The following KCNQ3 variants were observed in gnomAD, a reference collection of about 807,000 sequenced individuals.
The protein encoded by KCNQ3 is potassium voltage-gated channel subfamily KQT member 3.
In KCNQ3, 30 loss-of-function variants were observed where a neutral mutation model predicts 92.5. The observed-to-expected ratio is 0.32, with a 90% CI of 0.24 to 0.44. The LOEUF is 0.44. Ranked by LOEUF, KCNQ3 falls within the 20% of genes least tolerant of loss-of-function variation. The pLI, the probability that KCNQ3 is intolerant of heterozygous loss-of-function variation, is 1.00. For missense variants in KCNQ3, 913 were observed against 1,140.3 expected (o/e 0.80, Z 2.87); for synonymous variants, 450 against 468.8 (o/e 0.96, Z 0.52).
chr8:132,144,667 G>C (rs1191857869), intron 9 of KCNQ3, among the ~76,000 whole-genome samples: 2 of 152,150 alleles, frequency 1.3e-5, no homozygotes. Flanking sequence ...CCTCCTTCAG[G>C]TATCAGCATG....
At chr8:132,451,947 CT>C (rs919994238) in intron 1 of KCNQ3, among the ~76,000 whole-genome samples, 16 of 151,778 alleles carry the variant, frequency 1.1e-4, no homozygotes, top group Non-Finnish European at 2.1e-4. Flanking sequence ...AAATGAAGTT[CT>C]TTTTTTTGCA....
At position 132,129,807 on chromosome 8, in the gene KCNQ3, G is replaced by C. The variant is rs1131691408; in HGVS notation, c.2074C>G (p.Pro692Ala). The C allele has an allele frequency of 6.2e-7, 1 of 1,614,142 alleles. No individual in the cohort carries two copies. Among genetic ancestry groups the C allele is most frequent in the Non-Finnish European group, 8.5e-7 (1 of 1,180,016 alleles). ...TGGAAGCTGTAGGGTGGTTCCGGGG[G>C]GCCTGTCTCAGAATAGTTGCAGATG... ...TIICNYSETG[P>A]PEPPYSFHQV... The change falls in exon 15 of 15, where the codon CCC (proline) becomes GCC (alanine). Residue 692 changes from proline (P) to alanine (A), a missense_variant. Pro to Ala is a conservative substitution (Grantham distance 27). Transcript: ENST00000388996. This position sits in a 1 kb window ranked among gnomAD's most constrained non-coding sequence, Gnocchi z 5.9.
rs1822251361 is a variant in KCNQ3, at chr8:132,469,533, C to T, written c.386+10614G>A. Among the ~76,000 whole-genome samples, 3 of 152,168 alleles carry T rather than the reference C, an allele frequency of 2.0e-5. 1 individual carries two copies. The South Asian group carries it at 6.2e-4, about 32-fold the overall frequency. On this transcript the variant is annotated intron_variant, in intron 1 of 14. Coordinates refer to ENST00000388996, the MANE Select transcript of KCNQ3 (RefSeq NM_004519.4). Reference sequence around the variant, plus strand: ...CAAACCCAGAGCTATCTTGGGCTACCCAAAACCAGAATGACAGGGCATGGC... The same window carrying T: ...CAAACCCAGAGCTATCTTGGGCTACTCAAAACCAGAATGACAGGGCATGGC...
At chr8:132,323,044 C>T (rs1290978026) in intron 1 of KCNQ3, among the ~76,000 whole-genome samples, 4 of 152,172 alleles carry the variant, frequency 2.6e-5, no homozygotes, top group Non-Finnish European at 4.4e-5. Context: ...TCCAGCTGGA[C>T]GTGCTTCCCT....
At chr8:132,413,766 G>A (rs1217494169) in intron 1 of KCNQ3, among the ~76,000 whole-genome samples, 6 of 152,186 alleles carry the variant, frequency 3.9e-5, no homozygotes, top group Admixed American at 1.3e-4. Context: ...CAGATTCACC[G>A]CATCCATTTT....
intron 9 of KCNQ3, among the ~76,000 whole-genome samples, chr8:132,157,925 G>A (rs571729736): frequency 1.7e-4 from 26 of 152,098 alleles, no homozygotes; most frequent in Non-Finnish European, 3.2e-4. Context: ...GAGAACATGC[G>A]GTGTCTGATA....
intron 1 of KCNQ3, among the ~76,000 whole-genome samples, chr8:132,265,087 CT>C (rs1815938070): frequency 9.6e-6 from 1 of 104,080 alleles, no homozygotes; most frequent in African/African-American, 2.7e-5. Flanking sequence ...GCTAAAAGGA[CT>C]GCTAAAAAGG....
Position 132,480,570 on chromosome 8 carries a change from G to T in KCNQ3, c.-38C>A. The stretch of plus-strand genomic sequence containing the variant: ...CGCCGGCCGCTTCGCCTTCTCCGCT[G>T]CTGCTCTGGGAAGAAGGGGCGCTCG... On this transcript the variant is annotated 5_prime_UTR_variant, in exon 1 of 15. Coordinates refer to ENST00000388996, the MANE Select transcript of KCNQ3 (RefSeq NM_004519.4). 3.0e-5 allele frequency: 38 copies of T among 1,260,542 alleles called. No homozygotes were observed. Among genetic ancestry groups the T allele is most frequent in the Non-Finnish European group, 3.8e-5 (37 of 980,302 alleles). The allele number at this position is 1,260,542 out of a possible 1,614,324, so 78.1% of individuals were successfully genotyped here.
At chr8:132,294,715 A>T (rs996651538) in intron 1 of KCNQ3, among the ~76,000 whole-genome samples, 6 of 152,194 alleles carry the variant, frequency 3.9e-5, no homozygotes, top group Admixed American at 6.5e-5. Flanking sequence ...AGTGATGCCC[A>T]CCCCATAGGA....
At chr8:132,343,977 A>G (rs1403141406) in intron 1 of KCNQ3, among the ~76,000 whole-genome samples, 1 of 152,236 alleles carries the variant, frequency 6.6e-6, no homozygotes, top group East Asian at 1.9e-4. Context: ...TATTCAGATA[A>G]GTGGCACATG....
At position 132,447,253 on chromosome 8, in the gene KCNQ3, T is replaced by G. The variant is rs1463929447; in HGVS notation, c.386+32894A>C. The G allele has an allele frequency of 2.6e-6, 4 of 1,535,414 alleles. No individual in the cohort carries two copies. In the East Asian group the frequency reaches 7.3e-5, roughly 28 times the overall value. On this transcript the variant is annotated intron_variant, in intron 1 of 14. Coordinates refer to ENST00000388996, the MANE Select transcript of KCNQ3 (RefSeq NM_004519.4). Reference sequence around the variant, plus strand: ...AGGTAATGAATGCAAGAACAAGATTTTTAACAAGTGGTGGTAACACAGCTA... The same window carrying G: ...AGGTAATGAATGCAAGAACAAGATTGTTAACAAGTGGTGGTAACACAGCTA...
chr8:132,382,512 A>G (rs1819779930), intron 1 of KCNQ3, among the ~76,000 whole-genome samples: 1 of 152,196 alleles, frequency 6.6e-6, no homozygotes, highest in Non-Finnish European at 1.5e-5. Flanking sequence ...TCATGAGTCA[A>G]ATAAACCTCT....
At chr8:132,292,720 C>A (rs1428556153) in intron 1 of KCNQ3, among the ~76,000 whole-genome samples, 1 of 152,150 alleles carries the variant, frequency 6.6e-6, no homozygotes, top group African/African-American at 2.4e-5. Flanking sequence ...TTCCTGGCTC[C>A]TAACTCCCAT....
chr8:132,353,199 C>A (rs972197888), intron 1 of KCNQ3, among the ~76,000 whole-genome samples: 1 of 151,996 alleles, frequency 6.6e-6, no homozygotes, highest in Non-Finnish European at 1.5e-5. Context: ...GTACTCCAGC[C>A]TGGGCAACAA....
chr8:132,187,843 GTGGTGGTAGTGA>G (rs1449327553), intron 1 of KCNQ3, among the ~76,000 whole-genome samples: 6 of 122,592 alleles, frequency 4.9e-5, no homozygotes, highest in African/African-American at 2.0e-4. Flanking sequence ...TGTGGTGGTG[GTGGTGGTAGTGA>G]TGGTGGTGGT....
At chr8:132,230,275 T>A (rs1363263184) in intron 1 of KCNQ3, among the ~76,000 whole-genome samples, 1 of 152,036 alleles carries the variant, frequency 6.6e-6, no homozygotes, top group Non-Finnish European at 1.5e-5. Context: ...TTTTTCAGTT[T>A]CCTAGGCCAA....
At chr8:132,200,099 A>G (rs1239600218) in intron 1 of KCNQ3, among the ~76,000 whole-genome samples, 1 of 152,192 alleles carries the variant, frequency 6.6e-6, no homozygotes, top group Non-Finnish European at 1.5e-5. Context: ...TATTCTGGAA[A>G]TGGGGAAAGA....
At chr8:132,294,007 T>G (rs1205841975) in intron 1 of KCNQ3, among the ~76,000 whole-genome samples, 2 of 140,164 alleles carry the variant, frequency 1.4e-5, no homozygotes, top group African/African-American at 5.9e-5. Context: ...GTGGTTTTTT[T>G]TTTTTTTTTT....
chr8:132,147,286 G>T (rs1225510447), intron 9 of KCNQ3, among the ~76,000 whole-genome samples: 1 of 152,106 alleles, frequency 6.6e-6, no homozygotes, highest in Non-Finnish European at 1.5e-5. Flanking sequence ...AACCACCCCT[G>T]GTTTCTCGTT....
Sources: gnomAD v4.1 joint callset for allele counts (sites outside exome capture counted in the v4.1 genomes callset) on GRCh38, gnomAD v4.1.1 for gene constraint, Gnocchi (gnomAD v3.1) non-coding constraint, MANE v1.5 for transcripts, NCBI Gene and HGNC (gene_info 2026-07-23, HGNC 2026-07-21) for gene names.